The following ZZEF1 variants were observed in gnomAD, a reference collection of about 807,000 sequenced individuals.
ZZEF1 encodes the protein zinc finger ZZ-type and EF-hand domain-containing protein 1.
A neutral mutation model predicts 342.8 loss-of-function variants in ZZEF1; 157 were observed. That is an observed-to-expected ratio of 0.46 (90% confidence interval 0.40 to 0.52). ZZEF1 has a LOEUF of 0.52. Among genes scored for constraint, ZZEF1 ranks in the 20% least tolerant of loss-of-function variants. The pLI, the probability that ZZEF1 is intolerant of heterozygous loss-of-function variation, is 0.00. For missense variants in ZZEF1, 3,480 were observed against 3,725.6 expected, an observed-to-expected ratio of 0.93 and a Z score of 1.72; for synonymous variants, 1,505 against 1,429.1, an observed-to-expected ratio of 1.05 and a Z score of -1.20.
chr17:4,082,208 G>C (rs1033086593), intron 17 of ZZEF1, among the ~76,000 whole-genome samples: 3 of 152,144 alleles, frequency 2.0e-5, no homozygotes, highest in Non-Finnish European at 2.9e-5. Flanking sequence ...TGTTCAAAAA[G>C]ACCCTCAACG....
chr17:4,012,984 C>T (rs8075754), intron 52 of ZZEF1, among the ~76,000 whole-genome samples: 33,334 of 151,304 alleles, frequency 0.22, 3,877 homozygotes, highest in Middle Eastern at 0.29. Flanking sequence ...ATATAATGGC[C>T]GTGGATTAGA....
At position 4,095,910 on chromosome 17, in the gene ZZEF1, A is replaced by C. The variant is rs767987847; in HGVS notation, c.1834T>G (p.Cys612Gly). 15 of 1,613,754 alleles carry C rather than the reference A, an allele frequency of 9.3e-6. No homozygotes were observed. Among genetic ancestry groups the C allele is most frequent in the Non-Finnish European group, 1.2e-5 (14 of 1,179,814 alleles). ...AACCTTTTGAAGTGTTCTTCCGCAC[A>C]AAATTTATCTGAAGATGAGTTATAG... ...FAYNSSSDKFCAEEHFKRFEK... is the reference protein window; with the variant it reads ...FAYNSSSDKFGAEEHFKRFEK... The change falls in exon 11 of 55, where the codon TGT (cysteine) becomes GGT (glycine). Residue 612 changes from cysteine (C) to glycine (G), a missense_variant. Cys to Gly is a radical substitution (Grantham distance 159). Around this residue, in one of 5 missense-constraint regions of ZZEF1, gnomAD observed 1,528 missense variants for 1,624.1 expected, o/e 0.94. Transcript: ENST00000381638.
chr17:4,078,894 T>C (rs1363932738), intron 18 of ZZEF1, among the ~76,000 whole-genome samples: 1 of 152,184 alleles, frequency 6.6e-6, no homozygotes, highest in African/African-American at 2.4e-5. Flanking sequence ...TAATTTTTTT[T>C]CCTGATTGAA....
rs905759714 is a variant in ZZEF1, at chr17:4,009,715, G to C, written c.8622C>G (p.Leu2874=). 1.2e-6 allele frequency: 2 copies of C among 1,614,132 alleles called. No individual in the cohort carries two copies. Among genetic ancestry groups the C allele is most frequent in the South Asian group, 1.1e-5 (1 of 91,082 alleles). Residue 2874 remains leucine (L), a synonymous_variant, in exon 53 of 55, where the codon CTC becomes CTG. Transcript: ENST00000381638. ...DLALLKPLWQ[L]FTHMEYGLFE... is the part of the protein sequence containing the mutation. ...ACAGGCCGTACTCCATGTGGGTAAA[G>C]AGCTGCCACAGGGGCTTCAACAGCG...
chr17:4,038,033 C>A (rs2056713678), intron 39 of ZZEF1, among the ~76,000 whole-genome samples: 1 of 152,208 alleles, frequency 6.6e-6, no homozygotes, highest in Admixed American at 6.5e-5. Context: ...GGAGAATCTC[C>A]TTGTTTGTAG....
At chr17:4,021,556 A>T (rs1424530467) in intron 44 of ZZEF1, among the ~76,000 whole-genome samples, 1 of 152,258 alleles carries the variant, frequency 6.6e-6, no homozygotes, top group African/African-American at 2.4e-5. Context: ...GATGGTATCA[A>T]CTGCTATCGT....
At chr17:4,127,446 T>C (rs116677010) in intron 1 of ZZEF1, among the ~76,000 whole-genome samples, 203 of 152,248 alleles carry the variant, frequency 1.3e-3, no homozygotes, top group African/African-American at 3.6e-3. Flanking sequence ...GATGTCAAGA[T>C]TCACTTCAAA....
intron 8 of ZZEF1, among the ~76,000 whole-genome samples, chr17:4,102,739 T>C (rs2058147931): frequency 6.6e-6 from 1 of 152,184 alleles, no homozygotes; most frequent in African/African-American, 2.4e-5. Flanking sequence ...ATTCCTAAGA[T>C]ACTGTTTTGG....
chr17:4,014,491 T>C lies in ZZEF1; in HGVS notation c.8170A>G (p.Ile2724Val), dbSNP rs767072543. 6 of 1,614,086 alleles carry C rather than the reference T, an allele frequency of 3.7e-6. No individual in the cohort carries two copies. The highest frequency in any genetic ancestry group is 2.2e-5 in the South Asian group (2 of 91,094). Residue 2724 changes from isoleucine to valine, a missense_variant, in exon 50 of 55, where the codon ATC becomes GTC. Ile to Val is a conservative substitution (Grantham distance 29). Coordinates refer to ENST00000381638, the MANE Select transcript of ZZEF1 (RefSeq NM_015113.4). The surrounding 1 kb of genome is among the most constrained non-coding windows in gnomAD (Gnocchi z 4.4). ...GAGTCGAATTTGATTGAGAGGTAGA[T>C]GGCACCAGGAATGTGAACTTTATCC... The part of the protein sequence containing the change: ...FEDKVHIPGA[I>V]YLSIKFDSQC...
intron 42 of ZZEF1, among the ~76,000 whole-genome samples, chr17:4,031,354 T>C (rs2056541850): frequency 1.2e-5 from 1 of 85,258 alleles, no homozygotes; most frequent in Non-Finnish European, 2.3e-5. Flanking sequence ...ATAAATAAAT[T>C]TACAATAGTA....
At chr17:4,087,384 C>A in intron 14 of ZZEF1, 50 bp downstream of exon 14, 1 of 1,448,526 alleles carries the variant, frequency 6.9e-7, no homozygotes, top group Non-Finnish European at 9.4e-7. Flanking sequence ...TAGTAAAACT[C>A]ATTGTTTTCA....
At position 4,142,826 on chromosome 17, in the gene ZZEF1, G is replaced by A; in HGVS notation, c.70C>T (p.His24Tyr). ...CCCGAGACCGCGGCCCAGTCCTGGT[G>A]TGGGCCCCAGCCCTCGCCACCGGCA... is the stretch of plus-strand genomic sequence containing the variant. ...AAAGGEGWGP[H>Y]QDWAAVSGTT... is the part of the protein sequence containing the mutation. Residue 24 changes from histidine (H) to tyrosine (Y), a missense_variant, in exon 1 of 55, where the codon CAC (histidine) becomes TAC (tyrosine). His to Tyr is a moderately conservative substitution (Grantham distance 83). Transcript: ENST00000381638. 7.1e-7 allele frequency: 1 copy of A among 1,408,270 alleles called. No individual in the cohort carries two copies. The highest frequency in any genetic ancestry group is 9.2e-7 in the Non-Finnish European group (1 of 1,091,836). 87.2% of individuals were successfully genotyped at this position (1,408,270 alleles called of 1,614,324 possible).
chr17:4,046,593 C>G (rs1035307338), intron 37 of ZZEF1, among the ~76,000 whole-genome samples: 2 of 152,164 alleles, frequency 1.3e-5, no homozygotes, highest in Non-Finnish European at 2.9e-5. Flanking sequence ...ATCAATCCTA[C>G]CTTCAACCTC....
chr17:4,075,748 A>G (rs2057599730), intron 21 of ZZEF1, among the ~76,000 whole-genome samples: 1 of 152,018 alleles, frequency 6.6e-6, no homozygotes, highest in Non-Finnish European at 1.5e-5. Context: ...TGAGGAGTTT[A>G]AAGACCTCAC....
At chr17:4,054,337 C>T (rs1268889172) in intron 33 of ZZEF1, 142 bp from the exon 34 acceptor site, 2 of 904,670 alleles carry the variant, frequency 2.2e-6, no homozygotes, top group Non-Finnish European at 3.3e-6. Context: ...ATAAGCTCCT[C>T]AGTGTCTAGT....
In ZZEF1 at chr17:4,044,208, G is replaced by A. The variant is rs1275121412; in HGVS notation, c.6166+16C>T. The stretch of plus-strand genomic sequence containing the variant: ...TAAGATGAAAGAGATGAAGATAATG[G>A]TCAAATAGTCTTTACCTGGAAGTCC... On this transcript the variant is annotated intron_variant, in intron 38 of 54. Coordinates refer to ENST00000381638, the MANE Select transcript of ZZEF1 (RefSeq NM_015113.4). The A allele has an allele frequency of 1.2e-6, 2 of 1,612,660 alleles. No individual in the cohort carries two copies. The highest frequency in any genetic ancestry group is 1.7e-6 in the Non-Finnish European group (2 of 1,179,384).
At chr17:4,071,031 T>C in intron 25 of ZZEF1, 107 bp from the exon 26 acceptor site, 1 of 1,302,954 alleles carries the variant, frequency 7.7e-7, no homozygotes, top group East Asian at 2.4e-5. Context: ...CAGTGAACAC[T>C]CTCCGGAAGT....
At position 4,096,160 on chromosome 17, in the gene ZZEF1, T is replaced by C. The variant is rs2058029643; in HGVS notation, c.1765-181A>G. Among the ~76,000 whole-genome samples, 4 of 152,200 alleles carry C rather than the reference T, an allele frequency of 2.6e-5. No individual in the cohort carries two copies. The South Asian group carries it at 8.3e-4, about 32-fold the overall frequency. On this transcript the variant is annotated intron_variant, in intron 10 of 54. Coordinates refer to ENST00000381638, the MANE Select transcript of ZZEF1 (RefSeq NM_015113.4). The stretch of plus-strand genomic sequence containing the variant: ...TCCCAAGAAATGTTCCTTAACTTTC[T>C]CAATCCTTATATTCTCACCATTTCA...
At chr17:4,058,331 C>T (rs1251775641) in intron 31 of ZZEF1, among the ~76,000 whole-genome samples, 176 bp from the exon 32 acceptor site, 2 of 152,190 alleles carry the variant, frequency 1.3e-5, no homozygotes, top group Non-Finnish European at 2.9e-5. Context: ...AAAGCTTACA[C>T]AAAATAACTC....
Sources: gnomAD v4.1 joint callset for allele counts (sites outside exome capture counted in the v4.1 genomes callset) on GRCh38, gnomAD v4.1.1 for gene constraint, gnomAD v4.1.1 regional missense constraint, Gnocchi (gnomAD v3.1) non-coding constraint, MANE v1.5 for transcripts, NCBI Gene and HGNC (gene_info 2026-07-23, HGNC 2026-07-21) for gene names.